The following KCNC2 variants were observed in gnomAD, a reference collection of about 807,000 sequenced individuals.
The protein encoded by KCNC2 is potassium voltage-gated channel subfamily C member 2, also known as voltage-gated potassium channel KCNC2.
In KCNC2, 21 loss-of-function variants were observed where a neutral mutation model predicts 44.5. That is an observed-to-expected ratio of 0.47 (90% CI 0.33 to 0.68). KCNC2 has a LOEUF of 0.68. Among genes scored for constraint, KCNC2 ranks in the 30% least tolerant of loss-of-function variants. KCNC2 has a pLI of 0.01. For synonymous variants in KCNC2, 391 were observed against 339.1 expected, an observed-to-expected ratio of 1.15 and a Z score of -1.68; for missense variants, 589 against 826.2, an observed-to-expected ratio of 0.71 and a Z score of 3.52.
intron 2 of KCNC2, among the ~76,000 whole-genome samples, chr12:75,183,000 G>A (rs1892706905): frequency 6.6e-6 from 1 of 152,228 alleles, no homozygotes; most frequent in Non-Finnish European, 1.5e-5. Flanking sequence ...GAAGAGGGAA[G>A]ACAGATGAAT....
At chr12:75,144,611 G>C (rs1889882480) in intron 2 of KCNC2, among the ~76,000 whole-genome samples, 1 of 141,322 alleles carries the variant, frequency 7.1e-6, no homozygotes, top group African/African-American at 2.7e-5. Flanking sequence ...TGTGTATGTG[G>C]GTGTACTTTT....
chr12:75,151,359 G>GTT (rs2137465409), intron 2 of KCNC2, among the ~76,000 whole-genome samples: 1 of 152,088 alleles, frequency 6.6e-6, no homozygotes, highest in South Asian at 2.1e-4. Context: ...CAGTATCAAG[G>GTT]TCTTCGTTCG....
At chr12:75,184,849 G>C (rs1313995307) in intron 2 of KCNC2, among the ~76,000 whole-genome samples, 1 of 152,186 alleles carries the variant, frequency 6.6e-6, no homozygotes, top group Non-Finnish European at 1.5e-5. Flanking sequence ...AATCCACAGA[G>C]ATAGAACAAA....
At chr12:75,062,645 G>C (rs1451999286) in intron 2 of KCNC2, among the ~76,000 whole-genome samples, 2 of 151,900 alleles carry the variant, frequency 1.3e-5, no homozygotes, top group Non-Finnish European at 1.5e-5. Context: ...TCCTTTCCCA[G>C]ATTTTTAAAT....
intron 2 of KCNC2, among the ~76,000 whole-genome samples, chr12:75,128,619 A>G (rs1888611038): frequency 6.6e-6 from 1 of 152,086 alleles, no homozygotes; most frequent in African/African-American, 2.4e-5. Context: ...AAAGAAAATC[A>G]TACTTAGGGT....
intron 2 of KCNC2, among the ~76,000 whole-genome samples, chr12:75,153,051 T>A (rs1296621922): frequency 6.6e-6 from 1 of 152,020 alleles, no homozygotes; most frequent in Non-Finnish European, 1.5e-5. Flanking sequence ...TTTTTAGGTA[T>A]CGTGAAGTAA....
chr12:75,094,118 A>G (rs17114589), intron 2 of KCNC2, among the ~76,000 whole-genome samples: 5,077 of 151,786 alleles, frequency 0.033, 243 homozygotes, highest in East Asian at 0.15. Context: ...ATACTGGTTC[A>G]CCATTTTGGC....
chr12:75,049,390 TTATC>T (rs1308125675), intron 3 of KCNC2, among the ~76,000 whole-genome samples: 1 of 152,092 alleles, frequency 6.6e-6, no homozygotes, highest in Admixed American at 6.6e-5. Flanking sequence ...GAAATGAAAT[TTATC>T]TAAGTTATGG....
In KCNC2 at chr12:75,041,091, G is replaced by A; in HGVS notation, c.*2014C>T. The A allele has an allele frequency of 6.3e-7, 1 of 1,595,004 alleles. No homozygotes were observed. The highest frequency in any genetic ancestry group is 8.5e-7 in the Non-Finnish European group (1 of 1,177,342). On this transcript the variant is annotated 3_prime_UTR_variant, in exon 5 of 5. Transcript: ENST00000549446. Reference sequence around the variant, plus strand: ...GAGGATCTCTTCCAAGTGCAACCTGGTCACATCAGGGCACATTCAGCAGCA... The same window carrying A: ...GAGGATCTCTTCCAAGTGCAACCTGATCACATCAGGGCACATTCAGCAGCA...
intron 2 of KCNC2, among the ~76,000 whole-genome samples, chr12:75,080,490 G>C (rs183029459): frequency 5.9e-5 from 9 of 151,896 alleles, no homozygotes; most frequent in Admixed American, 5.9e-4. Flanking sequence ...AGGGAACATA[G>C]AGTTCAGTGC....
intron 2 of KCNC2, among the ~76,000 whole-genome samples, chr12:75,173,649 T>G (rs1891984418): frequency 6.6e-6 from 1 of 151,884 alleles, no homozygotes; most frequent in Admixed American, 6.6e-5. Flanking sequence ...TTTGGAAATA[T>G]AAACATTCTA....
At chr12:75,062,222 G>A (rs1167852227) in intron 2 of KCNC2, among the ~76,000 whole-genome samples, 2 of 152,016 alleles carry the variant, frequency 1.3e-5, no homozygotes, top group African/African-American at 4.8e-5. Flanking sequence ...TTCTCTGAAT[G>A]GGCCTTTGTT....
intron 2 of KCNC2, among the ~76,000 whole-genome samples, chr12:75,166,765 G>T (rs935472551): frequency 6.6e-6 from 1 of 150,544 alleles, no homozygotes; most frequent in African/African-American, 2.4e-5. Context: ...TGCAACAAAT[G>T]AAAACAAAAA....
chr12:75,126,537 A>C lies in KCNC2; in HGVS notation c.688-75220T>G, dbSNP rs568149782. ...ATTATAAAAAGAGGATTTCCACAGG[A>C]TGTTATGGAAACAAAGGGCAGTTAA... On this transcript the variant is annotated intron_variant, in intron 2 of 4. Coordinates refer to ENST00000549446, the MANE Select transcript of KCNC2 (RefSeq NM_139137.4). Among the ~76,000 whole-genome samples the C allele has an allele frequency of 7.9e-5, 12 of 152,238 alleles. No individual in the cohort carries two copies. The South Asian group carries it at 2.3e-3, about 29-fold the overall frequency.
In KCNC2 at chr12:75,207,828, G is replaced by A. The variant is rs1489003037; in HGVS notation, c.156C>T (p.Asp52=). 1 of 1,608,858 alleles carries A rather than the reference G, an allele frequency of 6.2e-7. No individual in the cohort carries two copies. Among genetic ancestry groups the A allele is most frequent in the East Asian group, 2.2e-5 (1 of 44,448 alleles). Residue 52 remains aspartate (D), a synonymous_variant, in exon 2 of 5, where the codon GAC becomes GAT. Transcript: ENST00000549446. The surrounding 1 kb of genome is among the most constrained non-coding windows in gnomAD (Gnocchi z 4.1). ...PPGDCLTTAG[D]KLQPSPPPLS... is the part of the protein sequence containing the mutation. ...GTGGAGGCGGCGACGGCTGCAGCTT[G>A]TCGCCCGCCGTGGTCAAGCAGTCGC...
At chr12:75,117,404 CA>C (rs950522700) in intron 2 of KCNC2, among the ~76,000 whole-genome samples, 53 of 152,254 alleles carry the variant, frequency 3.5e-4, no homozygotes, top group African/African-American at 1.3e-3. Flanking sequence ...ACTGTCCCCC[CA>C]AAAAGACTGC....
chr12:75,189,600 G>A (rs112851151), intron 2 of KCNC2, among the ~76,000 whole-genome samples: 123 of 152,228 alleles, frequency 8.1e-4, no homozygotes, highest in African/African-American at 2.8e-3. Flanking sequence ...CTTGTGCTAG[G>A]CATCAGTAAT....
At chr12:75,065,371 T>C (rs1213980575) in intron 2 of KCNC2, among the ~76,000 whole-genome samples, 2 of 152,060 alleles carry the variant, frequency 1.3e-5, no homozygotes, top group Admixed American at 6.6e-5. Flanking sequence ...ATGTCAGTTT[T>C]ATCTAATTTT....
At chr12:75,096,450 T>C (rs1000972549) in intron 2 of KCNC2, among the ~76,000 whole-genome samples, 4 of 152,028 alleles carry the variant, frequency 2.6e-5, no homozygotes, top group African/African-American at 9.7e-5. Flanking sequence ...AAAAATACTC[T>C]TCTGCTAAAA....
Sources: gnomAD v4.1 joint callset for allele counts (sites outside exome capture counted in the v4.1 genomes callset) on GRCh38, gnomAD v4.1.1 for gene constraint, Gnocchi (gnomAD v3.1) non-coding constraint, MANE v1.5 for transcripts, NCBI Gene and HGNC (gene_info 2026-07-23, HGNC 2026-07-21) for gene names.